The following ZNF362 variants were observed in gnomAD, a reference collection of about 807,000 sequenced individuals.
The protein encoded by ZNF362 is zinc finger protein 362, also known as rotund homolog.
A neutral mutation model predicts 42.9 loss-of-function variants in ZNF362; 11 were observed. The observed-to-expected ratio is 0.26, with a 90% CI of 0.16 to 0.42. The LOEUF is 0.42. Ranked by LOEUF, ZNF362 falls within the 20% of genes least tolerant of loss-of-function variation. The pLI, the probability that ZNF362 is intolerant of heterozygous loss-of-function variation, is 1.00. For missense variants in ZNF362, 362 were observed against 576.2 expected (o/e 0.63, Z 3.81); for synonymous variants, 255 against 257.3 (o/e 0.99, Z 0.09).
At chr1:33,191,346 C>T in the ZNF362 span, among the ~76,000 whole-genome samples, 1 of 152,152 alleles carries the variant, frequency 6.6e-6, no homozygotes, top group Non-Finnish European at 1.5e-5. Context: ...AGACTTCGTC[C>T]TTATCAACAA....
At chr1:33,271,944 T>C (rs1645907445) in intron 2 of ZNF362, among the ~76,000 whole-genome samples, 1 of 152,172 alleles carries the variant, frequency 6.6e-6, no homozygotes, top group South Asian at 2.1e-4. Context: ...CCAAAGGGAC[T>C]GTCAGGGAGA....
the ZNF362 span, among the ~76,000 whole-genome samples, chr1:33,201,363 A>T: frequency 6.6e-6 from 1 of 152,232 alleles, no homozygotes; most frequent in South Asian, 2.1e-4. Context: ...AACACGGAAC[A>T]TTTACTAAGA....
intron 1 of ZNF362, among the ~76,000 whole-genome samples, chr1:33,259,189 C>T (rs72656292): frequency 0.023 from 3,500 of 152,322 alleles, 61 homozygotes; most frequent in Non-Finnish European, 0.034. Context: ...CTCTGTGACA[C>T]TCAGAGGGAC....
chr1:33,262,599 A>G (rs1219185489), intron 1 of ZNF362, among the ~76,000 whole-genome samples: 6 of 151,874 alleles, frequency 4.0e-5, no homozygotes, highest in Non-Finnish European at 7.4e-5. Context: ...GAGCCACCGC[A>G]CCTGGCCGGC....
chr1:33,251,548 C>T (rs758636202), upstream of ZNF362, among the ~76,000 whole-genome samples: 4 of 152,278 alleles, frequency 2.6e-5, no homozygotes, highest in African/African-American at 4.8e-5. Flanking sequence ...TCTGCCATAT[C>T]ACATCTCTGC....
At chr1:33,243,848 T>C in the ZNF362 span, among the ~76,000 whole-genome samples, 1 of 151,618 alleles carries the variant, frequency 6.6e-6, no homozygotes, top group Admixed American at 6.6e-5. Context: ...GACCTCGTGA[T>C]CCGCCCGCCT....
chr1:33,282,903 G>A (rs1646006626), intron 6 of ZNF362, among the ~76,000 whole-genome samples: 1 of 151,844 alleles, frequency 6.6e-6, no homozygotes, highest in African/African-American at 2.4e-5. Context: ...AATACCATTG[G>A]TATTTTTAAA....
chr1:33,264,451 G>A (rs998169056), intron 1 of ZNF362, among the ~76,000 whole-genome samples: 4 of 152,154 alleles, frequency 2.6e-5, no homozygotes, highest in African/African-American at 7.2e-5. Flanking sequence ...GGCAGTGTTC[G>A]AAAGATTTTA....
At chr1:33,235,068 C>A in the ZNF362 span, among the ~76,000 whole-genome samples, 1 of 152,074 alleles carries the variant, frequency 6.6e-6, no homozygotes, top group African/African-American at 2.4e-5. Context: ...ATGGAGGCAC[C>A]GTGTTGTGTG....
chr1:33,165,130 G>A, the ZNF362 span: 62 of 209,028 alleles, frequency 3.0e-4, 1 homozygote, highest in Non-Finnish European at 5.4e-4. The surrounding 1 kb of genome is among the most constrained non-coding windows in gnomAD (Gnocchi z 4.0). Flanking sequence ...AAGAGACTGA[G>A]CACATTCCCC....
At chr1:33,128,691 A>G in the ZNF362 span, among the ~76,000 whole-genome samples, 5 of 152,290 alleles carry the variant, frequency 3.3e-5, no homozygotes, top group African/African-American at 1.2e-4. Context: ...CTCTCTGGGC[A>G]TTTTTGTAAT....
the ZNF362 span, among the ~76,000 whole-genome samples, chr1:33,230,666 C>T: frequency 2.0e-5 from 3 of 152,234 alleles, 1 homozygote; most frequent in African/African-American, 7.2e-5. Flanking sequence ...CGATTTGCAT[C>T]CTGCGGCTTG....
At chr1:33,221,213 T>C in the ZNF362 span, among the ~76,000 whole-genome samples, 2 of 152,162 alleles carry the variant, frequency 1.3e-5, no homozygotes, top group Non-Finnish European at 2.9e-5. Context: ...CCCTCCGGAA[T>C]GTAAGAGGCT....
the ZNF362 span, among the ~76,000 whole-genome samples, chr1:33,131,612 T>C: frequency 6.6e-6 from 1 of 152,132 alleles, no homozygotes; most frequent in Non-Finnish European, 1.5e-5. Context: ...ACATTTTGTA[T>C]GTTTAAAAGA....
chr1:33,279,564 T>G (rs1645975688), intron 4 of ZNF362, among the ~76,000 whole-genome samples: 1 of 152,098 alleles, frequency 6.6e-6, no homozygotes, highest in Non-Finnish European at 1.5e-5. Context: ...ATGTTTCTAG[T>G]CCTATCATTT....
At chr1:33,158,296 C>T in the ZNF362 span, 1 of 1,614,092 alleles carries the variant, frequency 6.2e-7, no homozygotes, top group Admixed American at 1.7e-5. Flanking sequence ...TGGTGTACTG[C>T]AGGGGGCCTG....
At chr1:33,231,793 G>C in the ZNF362 span, among the ~76,000 whole-genome samples, 2 of 152,124 alleles carry the variant, frequency 1.3e-5, no homozygotes, top group Non-Finnish European at 2.9e-5. Flanking sequence ...CTGGACCAAG[G>C]GGGTACAAGG....
intron 2 of ZNF362, among the ~76,000 whole-genome samples, chr1:33,273,488 T>TTGAAC (rs1645920856): frequency 6.6e-6 from 1 of 152,180 alleles, no homozygotes; most frequent in African/African-American, 2.4e-5. Flanking sequence ...GAACTTGGCA[T>TTGAAC]TGAACTGAAC....
chr1:33,128,280 GGGA>G, the ZNF362 span, among the ~76,000 whole-genome samples: 2 of 152,004 alleles, frequency 1.3e-5, no homozygotes, highest in Non-Finnish European at 2.9e-5. Context: ...AGGCTGAGGT[GGGA>G]GGAGGATTGC....
Sources: allele counts gnomAD v4.1 joint callset (sites outside exome capture counted in the v4.1 genomes callset), GRCh38; gene constraint gnomAD v4.1.1; non-coding constraint Gnocchi (gnomAD v3.1); transcripts MANE v1.5; gene names NCBI Gene and HGNC (gene_info 2026-07-23, HGNC 2026-07-21).